Variants in SLC4A10 observed in about 807,000 individuals in gnomAD.
SLC4A10 encodes solute carrier family 4 member 10.
SLC4A10 carries 42 observed loss-of-function variants against 137.7 expected under a neutral mutation model. That is an observed-to-expected ratio of 0.30 (90% confidence interval 0.24 to 0.39). The LOEUF (loss-of-function observed/expected upper bound fraction) is 0.39. Among genes scored for constraint, SLC4A10 ranks in the 10% least tolerant of loss-of-function variants. The pLI, the probability that SLC4A10 is intolerant of heterozygous loss-of-function variation, is 1.00. For missense variants in SLC4A10, 925 were observed against 1,355.0 expected, an observed-to-expected ratio of 0.68 and a Z score of 4.98; for synonymous variants, 474 against 464.1, an observed-to-expected ratio of 1.02 and a Z score of -0.27.
intron 1 of SLC4A10, among the ~76,000 whole-genome samples, chr2:161,762,509 G>A (rs768922268): frequency 3.3e-5 from 5 of 152,002 alleles, no homozygotes; most frequent in African/African-American, 9.7e-5. Context: ...AACTTCCATG[G>A]TAATGAACAA....
chr2:161,854,865 A>G, intron 4 of SLC4A10, 105 bp from the exon 5 acceptor site: 3 of 1,166,110 alleles, frequency 2.6e-6, no homozygotes, highest in South Asian at 4.7e-5. Context: ...CTATGAACCA[A>G]GACACAATAT....
intron 1 of SLC4A10, among the ~76,000 whole-genome samples, chr2:161,726,457 G>C (rs1475571436): frequency 2.0e-5 from 3 of 152,126 alleles, no homozygotes; most frequent in Admixed American, 2.0e-4. Context: ...GAATGTTAGA[G>C]GGAAAAAATT....
chr2:161,873,111 T>C (rs189221479), intron 7 of SLC4A10, among the ~76,000 whole-genome samples: 29 of 152,272 alleles, frequency 1.9e-4, no homozygotes, highest in African/African-American at 6.5e-4. Flanking sequence ...AACTGAATTG[T>C]TAATGTAATT....
At position 161,976,798 on chromosome 2, in the gene SLC4A10, C is replaced by T; in HGVS notation, c.3266C>T (p.Ser1089Leu). ...PSVINISDEM[S>L]KTALWRNLLI... ...GTGATCAATATATCTGATGAAATGT[C>T]AAAGACTGCCTTGTGGAGGAACCTT... Residue 1089 changes from serine (S) to leucine (L), a missense_variant, in exon 25 of 27, where the codon TCA (serine) becomes TTA (leucine). Physicochemically the swap from Ser to Leu is moderately radical, Grantham distance 145 (BLOSUM62 -2). This residue lies in a region of SLC4A10 where 84 missense variants were observed against 76.9 expected (regional missense o/e 1.09). Coordinates refer to ENST00000446997, the MANE Select transcript of SLC4A10 (RefSeq NM_001178015.2). 2.5e-6 allele frequency: 4 copies of T among 1,603,554 alleles called. No individual in the cohort carries two copies. The highest frequency in any genetic ancestry group is 2.6e-6 in the Non-Finnish European group (3 of 1,174,758).
chr2:161,884,169 T>C (rs990360642), intron 10 of SLC4A10, among the ~76,000 whole-genome samples: 5 of 152,206 alleles, frequency 3.3e-5, no homozygotes, highest in African/African-American at 1.2e-4. Flanking sequence ...ATTTGTATTG[T>C]TATTCTATGA....
intron 15 of SLC4A10, among the ~76,000 whole-genome samples, chr2:161,912,194 C>T (rs1034113936): frequency 5.9e-5 from 9 of 152,072 alleles, no homozygotes; most frequent in African/African-American, 1.9e-4. Context: ...TGTTACTCTT[C>T]GTATCTACTT....
rs756784583 is a variant in SLC4A10 at position 161,728,190 on chromosome 2, C to T, written c.49-42783C>T. Among the ~76,000 whole-genome samples the T allele has an allele frequency of 9.2e-5, 14 of 152,126 alleles. 1 individual carries two copies. Among genetic ancestry groups the T allele is most frequent in the Admixed American group, 1.3e-4 (2 of 15,270 alleles). On this transcript the variant is annotated intron_variant, in intron 1 of 26. Coordinates refer to ENST00000446997, the MANE Select transcript of SLC4A10 (RefSeq NM_001178015.2). ...ACAATTTCTTGAAAATTATATACTA[C>T]CAAAACTCACCCCAAATGAAATAAA...
intron 15 of SLC4A10, among the ~76,000 whole-genome samples, chr2:161,940,744 A>T (rs1421679059): frequency 1.3e-5 from 2 of 152,218 alleles, no homozygotes; most frequent in African/African-American, 4.8e-5. Context: ...TAGCTAGTGT[A>T]TGAGAGAGAA....
At chr2:161,733,937 A>G (rs2892769) in intron 1 of SLC4A10, among the ~76,000 whole-genome samples, 78,273 of 151,938 alleles carry the variant, frequency 0.52, 20,716 homozygotes, top group African/African-American at 0.64. Flanking sequence ...ACATGCATGG[A>G]CCCTGGAAAA....
chr2:161,905,831 C>T lies in SLC4A10; in HGVS notation c.1941C>T (p.Leu647=), dbSNP rs1407871071. 1 of 1,613,894 alleles carries T rather than the reference C, an allele frequency of 6.2e-7. No individual in the cohort carries two copies. The highest frequency in any genetic ancestry group is 8.5e-7 in the Non-Finnish European group (1 of 1,179,822). ...AGGCCCTGGAGAAGTTGTTTGAACT[C>T]AGTGAAGCATATCCAATCAACATGC... ...IYEALEKLFE[L]SEAYPINMHN... Residue 647 remains leucine (L), a synonymous_variant, in exon 15 of 27, where the codon CTC becomes CTT. Coordinates refer to ENST00000446997, the MANE Select transcript of SLC4A10 (RefSeq NM_001178015.2).
At chr2:161,760,387 C>T (rs898404432) in intron 1 of SLC4A10, among the ~76,000 whole-genome samples, 52 of 151,812 alleles carry the variant, frequency 3.4e-4, no homozygotes, top group African/African-American at 1.2e-3. Flanking sequence ...TACATATATA[C>T]ATATAATTTC....
In SLC4A10 at chr2:161,771,074, G is replaced by T. The variant is rs746323817; in HGVS notation, c.130+20G>T. ...TAGAAGGTAAGACCATTTTTCTTGGGATAGCTATTGGTGTGCTTTCCAAAA... is the reference window on the plus strand; with the variant it reads ...TAGAAGGTAAGACCATTTTTCTTGGTATAGCTATTGGTGTGCTTTCCAAAA... On this transcript the variant is annotated intron_variant, in intron 2 of 26. Transcript: ENST00000446997. 1.8e-5 allele frequency: 28 copies of T among 1,524,360 alleles called. 1 individual carries two copies. In the South Asian group the frequency reaches 3.2e-4, roughly 17 times the overall value. The allele number at this position is 1,524,360 out of a possible 1,614,324, so 94.4% of individuals were successfully genotyped here.
chr2:161,730,360 C>G (rs1421736230), intron 1 of SLC4A10, among the ~76,000 whole-genome samples: 3 of 152,122 alleles, frequency 2.0e-5, no homozygotes, highest in African/African-American at 4.8e-5. Flanking sequence ...AATAGGGAGA[C>G]AGATTTTGGT....
intron 26 of SLC4A10, among the ~76,000 whole-genome samples, chr2:161,978,384 CAAAAAAAA>C (rs61399867): frequency 3.3e-5 from 3 of 90,514 alleles, no homozygotes; most frequent in African/African-American, 1.3e-4. Flanking sequence ...GAGACTCTGT[CAAAAAAAA>C]AAAAAAAAAG....
intron 1 of SLC4A10, among the ~76,000 whole-genome samples, chr2:161,673,006 T>C (rs1244099290): frequency 4.6e-5 from 7 of 152,208 alleles, no homozygotes; most frequent in Admixed American, 3.3e-4. Context: ...CTCAGGCTAA[T>C]GCGTGTATCA....
chr2:161,945,594 G>A (rs1369728377), intron 16 of SLC4A10, among the ~76,000 whole-genome samples: 1 of 151,666 alleles, frequency 6.6e-6, no homozygotes, highest in Non-Finnish European at 1.5e-5. Context: ...CTGTGTGTAT[G>A]TGTGCATGTA....
At chr2:161,912,859 G>T (rs1429769899) in intron 15 of SLC4A10, among the ~76,000 whole-genome samples, 2 of 152,100 alleles carry the variant, frequency 1.3e-5, no homozygotes, top group East Asian at 3.9e-4. Context: ...AATCTAGAAA[G>T]TGAATCACAT....
At chr2:161,864,076 C>T (rs552126289) in intron 6 of SLC4A10, among the ~76,000 whole-genome samples, 2 of 152,000 alleles carry the variant, frequency 1.3e-5, no homozygotes, top group Admixed American at 1.3e-4. Context: ...GTAGTGGGTG[C>T]CTGTAGTCCC....
In SLC4A10 at chr2:161,965,094, T is replaced by A; in HGVS notation, c.3080T>A (p.Phe1027Tyr). Residue 1027 changes from phenylalanine to tyrosine, a missense_variant, in exon 23 of 27, where the codon TTC (phenylalanine) becomes TAC (tyrosine). Phe to Tyr is a conservative substitution (Grantham distance 22, BLOSUM62 3). Around this residue, in one of 11 missense-constraint regions of SLC4A10, gnomAD observed 115 missense variants for 237.5 expected, o/e 0.48. Coordinates refer to ENST00000446997, the MANE Select transcript of SLC4A10 (RefSeq NM_001178015.2). ...GTAAGAAAGTTGATGGACTTGTTGT[T>A]CACGAAGCGGGAACTCAGCTGGTTG... ...VFVRKLMDLL[F>Y]TKRELSWLDD... The A allele has an allele frequency of 6.2e-7, 1 of 1,612,744 alleles. No homozygotes were observed. Among genetic ancestry groups the A allele is most frequent in the Non-Finnish European group, 8.5e-7 (1 of 1,179,106 alleles).
Sources: gnomAD v4.1 joint callset for allele counts (sites outside exome capture counted in the v4.1 genomes callset) on GRCh38, gnomAD v4.1.1 for gene constraint, gnomAD v4.1.1 regional missense constraint, MANE v1.5 for transcripts, NCBI Gene and HGNC (gene_info 2026-07-23, HGNC 2026-07-21) for gene names.